The following PHIP variants were observed in gnomAD, a reference collection of about 807,000 sequenced individuals.
The protein encoded by PHIP is PH-interacting protein.
PHIP carries 54 observed loss-of-function variants against 236.8 expected under a neutral mutation model. The observed-to-expected ratio is 0.23, with a 90% CI of 0.18 to 0.29. The LOEUF is 0.29. Ranked by LOEUF, PHIP falls within the 10% of genes least tolerant of loss-of-function variation. PHIP has a pLI of 1.00. For missense variants in PHIP, 1,370 were observed against 2,190.8 expected, an observed-to-expected ratio of 0.63 and a Z score of 7.48; for synonymous variants, 756 against 718.9, an observed-to-expected ratio of 1.05 and a Z score of -0.83.
At chr6:79,001,846 A>T in intron 17 of PHIP, 53 bp downstream of exon 17, 1 of 1,164,202 alleles carries the variant, frequency 8.6e-7, no homozygotes, top group Non-Finnish European at 1.3e-6. Context: ...TAGCAATTTT[A>T]ACAGTTCGGT....
Position 78,988,137 on chromosome 6 carries a change from C to T in PHIP, c.2460+72G>A, listed in dbSNP as rs113739532. Reference sequence around the variant, plus strand: ...ACATCTACAAACATATCAATAAATGCGAAGAATGAAACTCATATTTAAAAA... The same window carrying T: ...ACATCTACAAACATATCAATAAATGTGAAGAATGAAACTCATATTTAAAAA... On this transcript the variant is annotated intron_variant, in intron 21 of 39. Coordinates refer to ENST00000275034, the MANE Select transcript of PHIP (RefSeq NM_017934.7). The T allele has an allele frequency of 6.8e-3, 7,465 of 1,100,210 alleles. 34 individuals are homozygous for T. The highest frequency in any genetic ancestry group is 7.5e-3 in the Non-Finnish European group (5,970 of 795,996). 68.2% of individuals were successfully genotyped at this position (1,100,210 alleles called of 1,614,324 possible). A position where few individuals can be genotyped will look rare whatever the true frequency, so the allele number is the denominator to read the frequency against.
chr6:79,002,219 GAATACGAATAATGGTATT>G, intron 16 of PHIP, 95 bp from the exon 17 acceptor site: 2 of 735,746 alleles, frequency 2.7e-6, no homozygotes, highest in East Asian at 2.7e-5. Flanking sequence ...GCAAACACCT[GAATACGAATAATGGTATT>G]AAGCAACAAT....
intron 7 of PHIP, among the ~76,000 whole-genome samples, chr6:79,038,186 C>T (rs1052917215): frequency 4.6e-5 from 7 of 152,166 alleles, no homozygotes; most frequent in African/African-American, 1.7e-4. Flanking sequence ...ATACCTTAGA[C>T]ACTTGTTAAT....
intron 9 of PHIP, among the ~76,000 whole-genome samples, chr6:79,024,027 A>G (rs1029781063): frequency 3.9e-5 from 6 of 152,226 alleles, no homozygotes; most frequent in East Asian, 1.9e-4. Context: ...ACTTTTATCT[A>G]TCTACAGAAA....
chr6:78,973,366 T>C (rs1299537093), intron 24 of PHIP, among the ~76,000 whole-genome samples: 1 of 148,272 alleles, frequency 6.7e-6, no homozygotes, highest in African/African-American at 2.5e-5. Context: ...CTACAAGAGC[T>C]CCTGAAGGAA....
chr6:79,078,249 G>GCGACTACGGCCGTGGC lies in PHIP; in HGVS notation c.-182_-181insGCCACGGCCGTAGTCG, dbSNP rs1554215828. ...AGGAGGAAACAACAACTCTCAGGCAGCGACTACGGCCGTGGCCGCCTCCGC... is the reference window on the plus strand; with the variant it reads ...AGGAGGAAACAACAACTCTCAGGCAGCGACTACGGCCGTGGCCGACTACGGCCGTGGCCGCCTCCGC... On this transcript the variant is annotated 5_prime_UTR_variant, in exon 1 of 40. Transcript: ENST00000275034. The GCGACTACGGCCGTGGC allele has an allele frequency of 7.0e-6, 4 of 573,620 alleles. No individual in the cohort carries two copies. Among genetic ancestry groups the GCGACTACGGCCGTGGC allele is most frequent in the South Asian group, 4.4e-5 (2 of 45,252 alleles). 35.5% of individuals were successfully genotyped at this position (573,620 alleles called of 1,614,324 possible). A position where few individuals can be genotyped will look rare whatever the true frequency, so the allele number is the denominator to read the frequency against.
Position 79,076,107 on chromosome 6 carries a change from G to T in PHIP, c.189+1341C>A, listed in dbSNP as rs540677092. Among the ~76,000 whole-genome samples the T allele has an allele frequency of 2.5e-4, 38 of 152,254 alleles. 1 individual carries two copies. In the South Asian group the frequency reaches 7.5e-3, roughly 30 times the overall value. On this transcript the variant is annotated intron_variant, in intron 4 of 39. Transcript: ENST00000275034. ...ATACACTGTTAAATCTCCATTAGAT[G>T]TATTAAACCTCAGTACCCTTGCTTA...
Position 78,997,454 on chromosome 6 carries a change from G to T in PHIP, c.2161C>A (p.Arg721=), listed in dbSNP as rs1769694196. ...GATAGCTCGGGTACTACCACCCTTCGACTCCAAGCTACCAGATCCCGCTCT... is the reference window on the plus strand; with the variant it reads ...GATAGCTCGGGTACTACCACCCTTCTACTCCAAGCTACCAGATCCCGCTCT... ...ATERDLVAWS[R]RVVVPELSAG... is the part of the protein sequence containing the mutation. Residue 721 remains arginine (R), a synonymous_variant, in exon 19 of 40, where the codon CGA becomes AGA. Transcript: ENST00000275034. 1 of 1,613,638 alleles carries T rather than the reference G, an allele frequency of 6.2e-7. No individual in the cohort carries two copies. The highest frequency in any genetic ancestry group is 8.5e-7 in the Non-Finnish European group (1 of 1,179,854).
At chr6:79,005,697 T>A (rs1770254092) in intron 15 of PHIP, among the ~76,000 whole-genome samples, 1 of 152,070 alleles carries the variant, frequency 6.6e-6, no homozygotes, top group Admixed American at 6.6e-5. Context: ...AGATTACAAT[T>A]TGAAGTAGAG....
chr6:78,978,560 G>GA, intron 24 of PHIP, 32 bp downstream of exon 24: 2 of 1,537,304 alleles, frequency 1.3e-6, no homozygotes, highest in African/African-American at 1.4e-5. Context: ...ACTATGTGAG[G>GA]AAAAATGGAT....
intron 6 of PHIP, among the ~76,000 whole-genome samples, chr6:79,047,134 T>C (rs1256850867): frequency 1.3e-5 from 2 of 152,136 alleles, no homozygotes; most frequent in Admixed American, 1.3e-4. Context: ...TACTGAAGCA[T>C]GTCATTTGCA....
intron 4 of PHIP, among the ~76,000 whole-genome samples, chr6:79,070,193 C>T (rs1404859287): frequency 1.3e-5 from 2 of 152,052 alleles, no homozygotes; most frequent in Admixed American, 6.6e-5. Flanking sequence ...ATGTTTAAGT[C>T]GTCATATGTG....
intron 4 of PHIP, among the ~76,000 whole-genome samples, chr6:79,064,018 T>G (rs1773506648): frequency 6.6e-6 from 1 of 152,162 alleles, no homozygotes; most frequent in Non-Finnish European, 1.5e-5. Context: ...TAACCTACTT[T>G]ACAGGAGAAC....
At chr6:79,072,203 C>A (rs1024062839) in intron 4 of PHIP, among the ~76,000 whole-genome samples, 4 of 152,138 alleles carry the variant, frequency 2.6e-5, no homozygotes, top group African/African-American at 9.7e-5. Flanking sequence ...TAGCCAAATT[C>A]TCTTCATATA....
intron 35 of PHIP, among the ~76,000 whole-genome samples, chr6:78,951,908 G>C (rs1301155650): frequency 2.0e-5 from 3 of 152,126 alleles, no homozygotes; most frequent in Non-Finnish European, 4.4e-5. Flanking sequence ...AAATAGTTTT[G>C]TCTATAAATC....
intron 6 of PHIP, among the ~76,000 whole-genome samples, chr6:79,056,659 G>C (rs993784060): frequency 6.6e-6 from 1 of 152,066 alleles, no homozygotes; most frequent in African/African-American, 2.4e-5. Context: ...ACAATGCACA[G>C]GAAAGCTGCC....
At chr6:79,031,776 A>G (rs1771681789) in intron 7 of PHIP, among the ~76,000 whole-genome samples, 3 of 152,220 alleles carry the variant, frequency 2.0e-5, no homozygotes, top group Admixed American at 2.0e-4. Context: ...AGGTAATGGT[A>G]CCAATTACTT....
chr6:79,065,123 C>A (rs982149898), intron 4 of PHIP, among the ~76,000 whole-genome samples: 1 of 152,200 alleles, frequency 6.6e-6, no homozygotes, highest in South Asian at 2.1e-4. Flanking sequence ...ATTTTTAAAT[C>A]CATCTACCTG....
chr6:79,002,648 G>A (rs1770062315), intron 16 of PHIP, among the ~76,000 whole-genome samples: 1 of 152,050 alleles, frequency 6.6e-6, no homozygotes, highest in Non-Finnish European at 1.5e-5. Flanking sequence ...ACATCCATTT[G>A]GAGTCATGGA....
Sources: gnomAD v4.1 joint callset for allele counts (sites outside exome capture counted in the v4.1 genomes callset) on GRCh38, gnomAD v4.1.1 for gene constraint, MANE v1.5 for transcripts, NCBI Gene and HGNC (gene_info 2026-07-23, HGNC 2026-07-21) for gene names.